Variants in ALDH3B1 observed in about 807,000 individuals in gnomAD.
ALDH3B1 encodes aldehyde dehydrogenase family 3 member B1.
ALDH3B1 carries 37 observed loss-of-function variants against 46.2 expected under a neutral mutation model. The ratio of observed to expected loss-of-function variants is 0.80; its 90% CI spans 0.62 to 1.05. ALDH3B1 has a LOEUF of 1.05. Ranked by LOEUF, ALDH3B1 falls within the 50% of genes least tolerant of loss-of-function variation. ALDH3B1 has a pLI of 0.00. For synonymous variants in ALDH3B1, 283 were observed against 281.0 expected (o/e 1.01, Z -0.07); for missense variants, 603 against 665.5 (o/e 0.91, Z 1.03).
intron 1 of ALDH3B1, among the ~76,000 whole-genome samples, chr11:68,012,016 T>C (rs368253332): frequency 7.2e-5 from 11 of 152,198 alleles, no homozygotes; most frequent in East Asian, 3.9e-4. Flanking sequence ...ACCCAGGTCA[T>C]TGGGCCCCCA....
chr11:68,015,581 C>T lies in ALDH3B1; in HGVS notation c.162+122C>T, dbSNP rs1255780928. ...GAAGCGGGGCTAAAAGCAGCTCCTC[C>T]CCTAGGCCAGAGCCACCCTTGCACA... On this transcript the variant is annotated intron_variant, in intron 2 of 9. Coordinates refer to ENST00000342456, the MANE Select transcript of ALDH3B1 (RefSeq NM_000694.4). 4.5e-6 allele frequency: 6 copies of T among 1,338,838 alleles called. No individual in the cohort carries two copies. In the Admixed American group the frequency reaches 9.9e-5, roughly 22 times the overall value. The allele number at this position is 1,338,838 out of a possible 1,614,324, so 82.9% of individuals were successfully genotyped here. A position where few individuals can be genotyped will look rare whatever the true frequency, so the allele number is the denominator to read the frequency against.
upstream of ALDH3B1, chr11:68,010,236 C>G (rs987045137): frequency 1.3e-5 from 2 of 152,272 alleles, no homozygotes; most frequent in Non-Finnish European, 2.9e-5. Context: ...TGGCTTGCAG[C>G]CTCCAGCCCG....
At chr11:68,020,236 TC>T (rs1857458118) in intron 6 of ALDH3B1, among the ~76,000 whole-genome samples, 1 of 151,994 alleles carries the variant, frequency 6.6e-6, no homozygotes, top group Non-Finnish European at 1.5e-5. Context: ...ACTTTTTTTT[TC>T]TTTTTTTTTG....
At chr11:68,014,906 G>A (rs572031507) in intron 1 of ALDH3B1, 75 of 185,756 alleles carry the variant, frequency 4.0e-4, no homozygotes, top group African/African-American at 1.7e-3. Flanking sequence ...ATCAGGGCAG[G>A]GCAGAGGCCA....
intron 1 of ALDH3B1, among the ~76,000 whole-genome samples, chr11:68,012,188 G>A (rs915850239): frequency 6.6e-6 from 1 of 152,172 alleles, no homozygotes; most frequent in African/African-American, 2.4e-5. Flanking sequence ...CCCAGGGACG[G>A]TCCCTGCTGT....
chr11:68,019,150 C>T lies in ALDH3B1; in HGVS notation c.395-20C>T, dbSNP rs1207498247. On this transcript the variant is annotated intron_variant, in intron 4 of 9. Transcript: ENST00000342456. ...AGCTGGCTACGCCTCCTCCAGCTCT[C>T]TCCCTGCACTGCCCTGCAGGGAACT... The T allele has an allele frequency of 6.2e-7, 1 of 1,606,302 alleles. No individual in the cohort carries two copies. The highest frequency in any genetic ancestry group is 8.5e-7 in the Non-Finnish European group (1 of 1,176,248).
chr11:68,013,152 C>A (rs575893950), intron 1 of ALDH3B1, among the ~76,000 whole-genome samples: 104 of 152,278 alleles, frequency 6.8e-4, no homozygotes, highest in Admixed American at 2.1e-3. Flanking sequence ...AGGCAGAAGG[C>A]GGCCTTGGCT....
chr11:68,015,439 C>T lies in ALDH3B1; in HGVS notation c.142C>T (p.Leu48=). 3 of 1,564,288 alleles carry T rather than the reference C, an allele frequency of 1.9e-6. No individual in the cohort carries two copies. Among genetic ancestry groups the T allele is most frequent in the Non-Finnish European group, 2.6e-6 (3 of 1,154,688 alleles). The change falls in exon 2 of 10, where the codon CTG becomes TTG. Residue 48 remains leucine, a synonymous_variant. Transcript: ENST00000342456. Reference sequence around the variant, plus strand: ...AAACAAGCAGCTTCTGCACGACGCACTGGCCCAGGACCTGCACAAGGTGGG... The same window carrying T: ...AAACAAGCAGCTTCTGCACGACGCATTGGCCCAGGACCTGCACAAGGTGGG... ...QENKQLLHDA[L]AQDLHKSAFE... is the part of the protein sequence containing the mutation.
intron 1 of ALDH3B1, among the ~76,000 whole-genome samples, chr11:68,012,186 C>T (rs1857246185): frequency 6.6e-6 from 1 of 152,284 alleles, no homozygotes; most frequent in Middle Eastern, 3.4e-3. Context: ...TGCCCAGGGA[C>T]GGTCCCTGCT....
At chr11:68,015,524 C>G (rs764238028) in intron 2 of ALDH3B1, 65 bp downstream of exon 2, 3 of 1,549,350 alleles carry the variant, frequency 1.9e-6, no homozygotes, top group Non-Finnish European at 2.6e-6. Flanking sequence ...GCAGCTGGGA[C>G]AGCAGGGGAT....
chr11:68,023,980 A>C (rs1857565899), intron 8 of ALDH3B1, among the ~76,000 whole-genome samples: 1 of 152,006 alleles, frequency 6.6e-6, no homozygotes, highest in South Asian at 2.1e-4. Context: ...TAAAAAAAAA[A>C]AAAAAGTGAC....
intron 2 of ALDH3B1, 83 bp from the exon 3 acceptor site, chr11:68,018,444 A>T (rs1857401729): frequency 2.0e-6 from 2 of 1,024,232 alleles, no homozygotes; most frequent in Admixed American, 4.6e-5. Context: ...GAGTTGTGGA[A>T]GCAGGCCCTG....
chr11:68,026,029 C>T lies in ALDH3B1; in HGVS notation c.1137C>T (p.Thr379=). 6.2e-7 allele frequency: 1 copy of T among 1,607,552 alleles called. No homozygotes were observed. The highest frequency in any genetic ancestry group is 8.5e-7 in the Non-Finnish European group (1 of 1,177,020). Reference sequence around the variant, plus strand: ...CCCAGGTGGTCAAGCGGGTGCTGACCCAGACCAGCAGCGGGGGCTTCTGTG... The same window carrying T: ...CCCAGGTGGTCAAGCGGGTGCTGACTCAGACCAGCAGCGGGGGCTTCTGTG... ...NSSQVVKRVL[T]QTSSGGFCGN... The change falls in exon 9 of 10, where the codon ACC becomes ACT. Residue 379 remains threonine, a synonymous_variant. Coordinates refer to ENST00000342456, the MANE Select transcript of ALDH3B1 (RefSeq NM_000694.4).
intron 9 of ALDH3B1, among the ~76,000 whole-genome samples, chr11:68,026,494 G>T (rs1857625982): frequency 6.6e-6 from 1 of 152,078 alleles, no homozygotes; most frequent in African/African-American, 2.4e-5. Flanking sequence ...TTACTCCAGG[G>T]CAGCTGCTCC....
chr11:68,018,860 AC>A lies in ALDH3B1; in HGVS notation c.362del (p.Thr121SerfsTer17). 1 of 1,562,702 alleles carries A rather than the reference AC, an allele frequency of 6.4e-7. No homozygotes were observed. Among genetic ancestry groups the A allele is most frequent in the Non-Finnish European group, 8.7e-7 (1 of 1,153,886 alleles). On this transcript the variant is annotated frameshift_variant, in exon 4 of 10. Coordinates refer to ENST00000342456, the MANE Select transcript of ALDH3B1 (RefSeq NM_000694.4). LOFTEE classifies it high-confidence loss of function. ...IAPWNYPLNL[T>X]LVPLVGALAA... ...GCCCTGGAACTATCCGCTGAACCTG[AC>A]GCTGGTGCCCCTCGTGGGAGCCCTC... is the stretch of plus-strand genomic sequence containing the variant.
chr11:68,018,518 T>G lies in ALDH3B1; in HGVS notation c.163-9T>G. The G allele has an allele frequency of 9.4e-7, 1 of 1,067,512 alleles. No individual in the cohort carries two copies. Among genetic ancestry groups the G allele is most frequent in the Non-Finnish European group, 1.3e-6 (1 of 748,078 alleles). 66.1% of individuals were successfully genotyped at this position (1,067,512 alleles called of 1,614,324 possible). A position where few individuals can be genotyped will look rare whatever the true frequency, so the allele number is the denominator to read the frequency against. ...CCTGGCCCACCCTGACCCCACCCACTTCCTGCAGTCAGCCTTCGAGTCGGA... is the reference window on the plus strand; with the variant it reads ...CCTGGCCCACCCTGACCCCACCCACGTCCTGCAGTCAGCCTTCGAGTCGGA... On this transcript the variant is annotated splice_polypyrimidine_tract_variant and intron_variant, in intron 2 of 9. Transcript: ENST00000342456.
chr11:68,018,385 C>T (rs1857399961), intron 2 of ALDH3B1, 142 bp from the exon 3 acceptor site: 2 of 700,544 alleles, frequency 2.9e-6, no homozygotes, highest in African/African-American at 1.8e-5. Context: ...AGGAAGCACG[C>T]ACTGAACATG....
At chr11:68,014,909 A>C in intron 1 of ALDH3B1, 1 of 184,824 alleles carries the variant, frequency 5.4e-6, no homozygotes, top group Non-Finnish European at 1.1e-5. Context: ...AGGGCAGGGC[A>C]GAGGCCATGG....
At chr11:68,023,285 C>T (rs1181005079) in intron 8 of ALDH3B1, among the ~76,000 whole-genome samples, 6 of 149,574 alleles carry the variant, frequency 4.0e-5, no homozygotes, top group South Asian at 4.3e-4. Flanking sequence ...GCCAGTTCCT[C>T]GATTCCCTCC....
Sources: allele counts gnomAD v4.1 joint callset (sites outside exome capture counted in the v4.1 genomes callset), GRCh38; gene constraint gnomAD v4.1.1; transcripts MANE v1.5; gene names NCBI Gene and HGNC (gene_info 2026-07-23, HGNC 2026-07-21).